The following CLSTN1 variants were observed in gnomAD, a reference collection of about 807,000 sequenced individuals.
The protein encoded by CLSTN1 is calsyntenin 1, also known as calsyntenin-1.
In CLSTN1, 28 loss-of-function variants were observed where a neutral mutation model predicts 108.3. The observed-to-expected ratio is 0.26, with a 90% CI of 0.19 to 0.35. The LOEUF (loss-of-function observed/expected upper bound fraction) is 0.35, where lower values mean the gene tolerates loss of function less well. CLSTN1 is among the 10% of genes least tolerant of loss of function. The pLI, the probability that CLSTN1 is intolerant of heterozygous loss-of-function variation, is 1.00. For synonymous variants in CLSTN1, 524 were observed against 534.9 expected (o/e 0.98, Z 0.28); for missense variants, 1,157 against 1,302.6 (o/e 0.89, Z 1.72).
chr1:9,799,502 A>G (rs527985889), intron 1 of CLSTN1, among the ~76,000 whole-genome samples: 1 of 151,460 alleles, frequency 6.6e-6, no homozygotes, highest in East Asian at 2.0e-4. Context: ...TTAGCTGGGC[A>G]TGGTGGCGGG....
chr1:9,733,670 A>G, intron 15 of CLSTN1, 124 bp from the exon 16 acceptor site: 1 of 1,171,260 alleles, frequency 8.5e-7, no homozygotes, highest in Non-Finnish European at 1.2e-6. Context: ...GGGGTCACAC[A>G]AGTTGGCTTT....
Position 9,734,588 on chromosome 1 carries a change from AAG to A in CLSTN1, c.2110+358_2110+359del, listed in dbSNP as rs1491129091. On this transcript the variant is annotated intron_variant, in intron 14 of 18. Transcript: ENST00000377298. This position sits in a 1 kb window ranked among gnomAD's most constrained non-coding sequence, Gnocchi z 4.8. ...AGACTCCATCTCAAAAAAAAAAAAA[AAG>A]GGGGGGAGTTTCATGTGTCCTGAGC... 1.1e-4 allele frequency among the ~76,000 whole-genome samples: 17 copies of A among 151,306 alleles called. No homozygotes were observed. The highest frequency in any genetic ancestry group is 5.8e-4 in the East Asian group (3 of 5,146).
At chr1:9,744,732 A>G (rs1232584719) in intron 7 of CLSTN1, 89 bp from the exon 8 acceptor site, 2 of 1,404,202 alleles carry the variant, frequency 1.4e-6, no homozygotes, top group Non-Finnish European at 1.9e-6. Context: ...TCTTACACTT[A>G]GGCAATCTGC....
chr1:9,766,594 A>C (rs923555800), intron 2 of CLSTN1, among the ~76,000 whole-genome samples: 7 of 152,156 alleles, frequency 4.6e-5, no homozygotes, highest in Non-Finnish European at 8.8e-5. Flanking sequence ...CGGAAGGCAG[A>C]GGTTGCAGTG....
intron 7 of CLSTN1, among the ~76,000 whole-genome samples, chr1:9,748,846 T>A (rs1283569218): frequency 6.6e-6 from 1 of 152,102 alleles, no homozygotes; most frequent in African/African-American, 2.4e-5. Context: ...CTCCATGTAC[T>A]CCTATAGAAG....
intron 2 of CLSTN1, among the ~76,000 whole-genome samples, chr1:9,759,573 C>T (rs1557701947): frequency 1.3e-5 from 2 of 152,214 alleles, no homozygotes; most frequent in Admixed American, 6.5e-5. Flanking sequence ...TGAGCCACCG[C>T]GCCTGGCCTC....
intron 1 of CLSTN1, among the ~76,000 whole-genome samples, chr1:9,789,618 T>C (rs530659945): frequency 4.6e-5 from 7 of 151,614 alleles, no homozygotes; most frequent in Admixed American, 2.7e-4. Flanking sequence ...TACCGCATCA[T>C]ACATCTCTAA....
rs757763373 is a variant in CLSTN1 at position 9,744,551 on chromosome 1, C to G, written c.1078G>C (p.Asp360His). Reference sequence around the variant, plus strand: ...GTGCCGTTGAACTCAAACACCTGGTCGCTGTCGTGGCCATTGTCGGTGGGC... The same window carrying G: ...GTGCCGTTGAACTCAAACACCTGGTGGCTGTCGTGGCCATTGTCGGTGGGC... ...GLPTDNGHDS[D>H]QVFEFNGTQA... is the part of the protein sequence containing the mutation. The change falls in exon 8 of 19, where the codon GAC (aspartate) becomes CAC (histidine). Residue 360 changes from aspartate to histidine, a missense_variant. Coordinates refer to ENST00000377298, the MANE Select transcript of CLSTN1 (RefSeq NM_001009566.3). 6.2e-7 allele frequency: 1 copy of G among 1,613,488 alleles called. No individual in the cohort carries two copies. Among genetic ancestry groups the G allele is most frequent in the African/African-American group, 1.3e-5 (1 of 74,836 alleles).
intron 1 of CLSTN1, among the ~76,000 whole-genome samples, chr1:9,784,199 CA>C (rs1390516084): frequency 6.7e-6 from 1 of 150,292 alleles, no homozygotes; most frequent in Non-Finnish European, 1.5e-5. Flanking sequence ...AAAAATTAAC[CA>C]AGCGTGGTGG....
intron 1 of CLSTN1, among the ~76,000 whole-genome samples, chr1:9,805,922 C>A (rs1213479492): frequency 2.0e-5 from 3 of 150,754 alleles, no homozygotes. Flanking sequence ...TTTATCATTG[C>A]TATTTTAAAT....
chr1:9,730,362 C>T lies in CLSTN1; in HGVS notation c.*146G>A, dbSNP rs1650288817. ...TGGGCGGGGAGCCTAGGGTCCTACACACCAAGCACAGCGACGATCGTGGCG... is the reference window on the plus strand; with the variant it reads ...TGGGCGGGGAGCCTAGGGTCCTACATACCAAGCACAGCGACGATCGTGGCG... On this transcript the variant is annotated 3_prime_UTR_variant, in exon 19 of 19. Coordinates refer to ENST00000377298, the MANE Select transcript of CLSTN1 (RefSeq NM_001009566.3). This position sits in a 1 kb window ranked among gnomAD's most constrained non-coding sequence, Gnocchi z 5.6. 6.5e-6 allele frequency: 5 copies of T among 773,162 alleles called. No homozygotes were observed. In the Admixed American group the frequency reaches 7.5e-5, roughly 12 times the overall value. 47.9% of individuals were successfully genotyped at this position (773,162 alleles called of 1,614,324 possible).
At chr1:9,744,359 TG>T in intron 8 of CLSTN1, 35 bp downstream of exon 8, 1 of 1,578,398 alleles carries the variant, frequency 6.3e-7, no homozygotes. Flanking sequence ...TACTGGACAC[TG>T]GGGCCTGGCA....
chr1:9,735,971 C>G lies in CLSTN1; in HGVS notation c.1648G>C (p.Ala550Pro). ...AGLTLRSGKLADKKVIDCLYT... is the reference protein window; with the variant it reads ...AGLTLRSGKLPDKKVIDCLYT... ...AGACAGTCGATCACCTTCTTATCCG[C>G]GAGTTTCCCGGAACGGAGAGTTAAG... Residue 550 changes from alanine (A) to proline (P), a missense_variant, in exon 12 of 19, where the codon GCG becomes CCG. Ala to Pro is a conservative substitution (Grantham distance 27). Coordinates refer to ENST00000377298, the MANE Select transcript of CLSTN1 (RefSeq NM_001009566.3). The G allele has an allele frequency of 6.2e-7, 1 of 1,614,180 alleles. No homozygotes were observed. The highest frequency in any genetic ancestry group is 1.3e-5 in the African/African-American group (1 of 75,032).
intron 7 of CLSTN1, among the ~76,000 whole-genome samples, chr1:9,744,846 C>T (rs754656488): frequency 6.6e-6 from 1 of 152,070 alleles, no homozygotes; most frequent in African/African-American, 2.4e-5. Flanking sequence ...CTCCACCTCC[C>T]GGGTTCAAGC....
chr1:9,734,037 T>C lies in CLSTN1; in HGVS notation c.2216A>G (p.Asp739Gly), dbSNP rs764138125. ...GCCCTTCTGCTGCAGGCGGGCCATG[T>C]CCACCTCCAGGCTCTCCTGCTCGTG... is the stretch of plus-strand genomic sequence containing the variant. ...LNHEQESLEV[D>G]MARLQQKGIE... Residue 739 changes from aspartate to glycine, a missense_variant, in exon 15 of 19, where the codon GAC becomes GGC. By Grantham distance (94) the Asp-to-Gly change is moderately conservative. Transcript: ENST00000377298. The surrounding 1 kb of genome is among the most constrained non-coding windows in gnomAD (Gnocchi z 4.8). 6.2e-7 allele frequency: 1 copy of C among 1,614,190 alleles called. No homozygotes were observed. The highest frequency in any genetic ancestry group is 1.1e-5 in the South Asian group (1 of 91,086).
chr1:9,736,076 G>A (rs750807501), intron 11 of CLSTN1, 34 bp from the exon 12 acceptor site: 19 of 1,613,336 alleles, frequency 1.2e-5, no homozygotes, highest in Admixed American at 1.7e-5. Context: ...GAAGTCAGGC[G>A]TGCAACCCAG....
intron 2 of CLSTN1, among the ~76,000 whole-genome samples, chr1:9,767,248 A>G (rs1433821268): frequency 6.6e-6 from 1 of 152,140 alleles, no homozygotes; most frequent in Admixed American, 6.5e-5. Context: ...ACTGCGTAAG[A>G]TTGGAGAAGA....
chr1:9,735,824 G>C, intron 12 of CLSTN1, 61 bp downstream of exon 12: 1 of 1,593,240 alleles, frequency 6.3e-7, no homozygotes, highest in African/African-American at 1.3e-5. Context: ...CATCCCACCA[G>C]CCTCCGGGGC....
intron 1 of CLSTN1, among the ~76,000 whole-genome samples, chr1:9,792,623 C>G (rs1473814685): frequency 6.6e-6 from 1 of 151,458 alleles, no homozygotes; most frequent in Admixed American, 6.7e-5. Context: ...TGTCGGGAAC[C>G]ATGCCCTTGG....
Sources: gnomAD v4.1 joint callset for allele counts (sites outside exome capture counted in the v4.1 genomes callset) on GRCh38, gnomAD v4.1.1 for gene constraint, Gnocchi (gnomAD v3.1) non-coding constraint, MANE v1.5 for transcripts, NCBI Gene and HGNC (gene_info 2026-07-23, HGNC 2026-07-21) for gene names.